Variants in PICALM observed in about 807,000 individuals in gnomAD.
PICALM encodes phosphatidylinositol binding clathrin assembly protein, also known as phosphatidylinositol-binding clathrin assembly protein.
In PICALM, 40 loss-of-function variants were observed where a neutral mutation model predicts 80.5. The observed-to-expected ratio is 0.50, with a 90% CI of 0.39 to 0.65. PICALM has a LOEUF of 0.65. PICALM is among the 30% of genes least tolerant of loss of function. PICALM has a pLI of 0.00. For missense variants in PICALM, 676 were observed against 778.9 expected, an observed-to-expected ratio of 0.87 and a Z score of 1.57; for synonymous variants, 288 against 260.3, an observed-to-expected ratio of 1.11 and a Z score of -1.02.
At chr11:86,068,618 C>A (rs749284280) in intron 1 of PICALM, 33 bp downstream of exon 1, 1 of 1,590,762 alleles carries the variant, frequency 6.3e-7, no homozygotes, top group East Asian at 2.3e-5. Context: ...GCGCGGGCGC[C>A]GGGGAGCGGG....
chr11:85,960,830 A>T, intron 19 of PICALM: 1 of 775,244 alleles, frequency 1.3e-6, no homozygotes, highest in South Asian at 1.7e-5. Flanking sequence ...TCAGAATGAC[A>T]GAACATGAAA....
intron 8 of PICALM, 128 bp downstream of exon 8, chr11:86,007,414 A>T: frequency 1.7e-6 from 1 of 604,358 alleles, no homozygotes; most frequent in Non-Finnish European, 3.1e-6. Context: ...GGAATACATC[A>T]AAATGTTAAA....
intron 1 of PICALM, among the ~76,000 whole-genome samples, chr11:86,060,276 G>T (rs938495869): frequency 1.1e-4 from 17 of 152,160 alleles, no homozygotes; most frequent in Admixed American, 7.8e-4. Context: ...TCATGTGGGG[G>T]TTCTCTACCA....
intron 1 of PICALM, among the ~76,000 whole-genome samples, chr11:86,052,977 T>C (rs2096214175): frequency 6.6e-6 from 1 of 152,220 alleles, no homozygotes; most frequent in Non-Finnish European, 1.5e-5. Context: ...TCCTAATAAC[T>C]TATCATTTAA....
chr11:86,008,220 C>A (rs1435430993), intron 7 of PICALM, among the ~76,000 whole-genome samples: 1 of 152,126 alleles, frequency 6.6e-6, no homozygotes, highest in Non-Finnish European at 1.5e-5. Flanking sequence ...TATTCTAGCA[C>A]CCCAATTAGA....
intron 1 of PICALM, among the ~76,000 whole-genome samples, chr11:86,043,047 G>A (rs534602090): frequency 6.6e-6 from 1 of 152,262 alleles, no homozygotes; most frequent in East Asian, 1.9e-4. Flanking sequence ...CACACCTGTT[G>A]TCCAGGGTCC....
rs146285117 is a variant in PICALM, at chr11:86,037,309, G to C, written c.131-5698C>G. Among the ~76,000 whole-genome samples, 1,000 of 142,562 alleles carry C rather than the reference G, an allele frequency of 7.0e-3. 13 individuals are homozygous for C. Among genetic ancestry groups the C allele is most frequent in the African/African-American group, 0.026 (960 of 37,298 alleles). 93.5% of individuals were successfully genotyped at this position (142,562 alleles called of 152,430 possible). On this transcript the variant is annotated intron_variant, in intron 1 of 19. Coordinates refer to ENST00000393346, the MANE Select transcript of PICALM (RefSeq NM_007166.4). ...GAGTCTCACTCTATCGCCCAGGCTG[G>C]AGTGCAGTGGTGTGATCTCGGCTCA...
intron 13 of PICALM, among the ~76,000 whole-genome samples, chr11:85,990,008 C>CAAAAAAAAA (rs5793177): frequency 2.1e-4 from 19 of 89,292 alleles, no homozygotes; most frequent in South Asian, 3.6e-4. Context: ...AACCAAACAC[C>CAAAAAAAAA]AAAAAAAAAA....
intron 19 of PICALM, among the ~76,000 whole-genome samples, chr11:85,969,931 C>G (rs2094042932): frequency 6.6e-6 from 1 of 152,148 alleles, no homozygotes; most frequent in African/African-American, 2.4e-5. Context: ...TATTAGCCAA[C>G]AAATCAAACC....
chr11:86,014,291 C>T (rs2095445114), intron 5 of PICALM, among the ~76,000 whole-genome samples: 1 of 151,134 alleles, frequency 6.6e-6, no homozygotes, highest in African/African-American at 2.4e-5. Context: ...AAATAATAAA[C>T]AAAACATTGT....
chr11:86,063,682 T>C (rs2096402477), intron 1 of PICALM, among the ~76,000 whole-genome samples: 2 of 152,192 alleles, frequency 1.3e-5, no homozygotes, highest in African/African-American at 2.4e-5. Flanking sequence ...GCATTTGACA[T>C]GTGTGATCAA....
At chr11:85,982,988 T>C (rs549433618) in intron 14 of PICALM, among the ~76,000 whole-genome samples, 19 of 152,172 alleles carry the variant, frequency 1.2e-4, no homozygotes, top group Non-Finnish European at 7.4e-5. Context: ...ACAACAATGA[T>C]TGGTCTCTCT....
chr11:86,060,274 G>T (rs558536652), intron 1 of PICALM, among the ~76,000 whole-genome samples: 1 of 151,986 alleles, frequency 6.6e-6, no homozygotes, highest in African/African-American at 2.4e-5. Flanking sequence ...TTTCATGTGG[G>T]GGTTCTCTAC....
intron 9 of PICALM, among the ~76,000 whole-genome samples, chr11:86,002,229 A>G (rs1011539204): frequency 2.6e-5 from 4 of 152,210 alleles, no homozygotes; most frequent in Non-Finnish European, 5.9e-5. Context: ...TAGAAAATTC[A>G]AAGTACAAAT....
At chr11:85,983,068 G>T (rs932593483) in intron 14 of PICALM, among the ~76,000 whole-genome samples, 6 of 152,080 alleles carry the variant, frequency 3.9e-5, no homozygotes, top group African/African-American at 1.4e-4. Flanking sequence ...ACCTACTAGT[G>T]CATAGAAAAA....
intron 7 of PICALM, among the ~76,000 whole-genome samples, chr11:86,009,649 G>A (rs1195952779): frequency 6.6e-6 from 1 of 152,150 alleles, no homozygotes; most frequent in Non-Finnish European, 1.5e-5. Context: ...CCAAGATTGC[G>A]CCATTGCACT....
chr11:85,982,158 A>G, intron 14 of PICALM, 155 bp from the exon 15 acceptor site: 1 of 626,546 alleles, frequency 1.6e-6, no homozygotes, highest in Admixed American at 2.8e-5. Context: ...AAAATGAAGA[A>G]AGTCACCACT....
intron 19 of PICALM, among the ~76,000 whole-genome samples, chr11:85,963,863 C>A (rs2093777545): frequency 6.6e-6 from 1 of 151,184 alleles, no homozygotes; most frequent in African/African-American, 2.4e-5. Context: ...CTCAAGTGAT[C>A]CTCCCATCTC....
rs1176824674 is a variant in PICALM at position 85,996,887 on chromosome 11, T to G, written c.1197A>C (p.Pro399=). ...TAGGATGTACAGATGGGTGAAAAGT[T>G]GGCTGCTGCAAATCAAGCAGATCAT... ...LPNDLLDLQQ[P]TFHPSVHPMS... is the part of the protein sequence containing the mutation. The change falls in exon 12 of 20, where the codon CCA becomes CCC. Residue 399 remains proline, a synonymous_variant. Transcript: ENST00000393346. 3.7e-6 allele frequency: 6 copies of G among 1,613,248 alleles called. No individual in the cohort carries two copies. In the South Asian group the frequency reaches 6.6e-5, roughly 18 times the overall value.
Sources: gnomAD v4.1 joint callset for allele counts (sites outside exome capture counted in the v4.1 genomes callset) on GRCh38, gnomAD v4.1.1 for gene constraint, MANE v1.5 for transcripts, NCBI Gene and HGNC (gene_info 2026-07-23, HGNC 2026-07-21) for gene names.